Variants in ADK observed in about 807,000 individuals in gnomAD.
ADK encodes adenosine kinase, also known as N6,N6-dimethyladenosine kinase.
A neutral mutation model predicts 44.7 loss-of-function variants in ADK; 24 were observed. The observed-to-expected ratio is 0.54, with a 90% confidence interval of 0.39 to 0.76. The LOEUF (loss-of-function observed/expected upper bound fraction) is 0.76, where lower values mean the gene tolerates loss of function less well. ADK is among the 30% of genes least tolerant of loss of function. The pLI is 0.00. For missense variants in ADK, 321 were observed against 425.1 expected, an observed-to-expected ratio of 0.76 and a Z score of 2.15; for synonymous variants, 128 against 142.6, an observed-to-expected ratio of 0.90 and a Z score of 0.73.
intron 4 of ADK, among the ~76,000 whole-genome samples, chr10:74,387,531 G>A (rs1843185981): frequency 6.6e-6 from 1 of 152,154 alleles, no homozygotes; most frequent in Admixed American, 6.5e-5. Context: ...GCTATATGCT[G>A]TATGACTCTT....
intron 7 of ADK, among the ~76,000 whole-genome samples, chr10:74,547,280 C>T (rs1310390641): frequency 6.6e-6 from 1 of 151,812 alleles, no homozygotes; most frequent in South Asian, 2.1e-4. Flanking sequence ...CATGCATTGC[C>T]TTAACTTGTC....
intron 7 of ADK, among the ~76,000 whole-genome samples, chr10:74,584,185 G>A (rs1851457795): frequency 6.6e-6 from 1 of 152,142 alleles, no homozygotes; most frequent in Non-Finnish European, 1.5e-5. Context: ...CCACAGATGG[G>A]ACAGATCATT....
intron 4 of ADK, among the ~76,000 whole-genome samples, chr10:74,335,517 TA>T (rs1348629215): frequency 6.6e-6 from 1 of 152,218 alleles, no homozygotes; most frequent in African/African-American, 2.4e-5. Context: ...TCTAGAGGGA[TA>T]TTTGAATTGT....
intron 3 of ADK, among the ~76,000 whole-genome samples, chr10:74,241,471 T>C (rs7092741): frequency 0.74 from 111,809 of 151,934 alleles, 41,811 homozygotes; most frequent in Middle Eastern, 0.85. Flanking sequence ...CTGCAACCTC[T>C]ATCTCCCGGG....
intron 1 of ADK, among the ~76,000 whole-genome samples, chr10:74,196,497 G>A (rs1036659940): frequency 1.3e-5 from 2 of 152,044 alleles, no homozygotes; most frequent in Admixed American, 6.6e-5. Flanking sequence ...CCGAGATTGC[G>A]CTACTGCATT....
Position 74,357,811 on chromosome 10 carries a change from A to G in ADK, c.274-36330A>G, listed in dbSNP as rs569917760. 3.3e-5 allele frequency among the ~76,000 whole-genome samples: 5 copies of G among 152,156 alleles called. No individual in the cohort carries two copies. The South Asian group carries it at 8.3e-4, about 25-fold the overall frequency. The stretch of plus-strand genomic sequence containing the variant: ...TCTGTGATCAATGAGCAGTCTGAAT[A>G]TTTTTCCCTCCATCCTCATAAGTTA... On this transcript the variant is annotated intron_variant, in intron 4 of 10. Coordinates refer to ENST00000539909, the MANE Select transcript of ADK (RefSeq NM_006721.4).
In ADK at chr10:74,321,517, C is replaced by G. The variant is rs796788624; in HGVS notation, c.273+6772C>G. 2.0e-5 allele frequency among the ~76,000 whole-genome samples: 3 copies of G among 152,290 alleles called. No homozygotes were observed. The East Asian group carries it at 5.8e-4, about 29-fold the overall frequency. The stretch of plus-strand genomic sequence containing the variant: ...CGGGCTGGTCTTGAACTCCTGGGCT[C>G]AAATGATCCTCAAGACATTAGCTTG... On this transcript the variant is annotated intron_variant, in intron 4 of 10. Coordinates refer to ENST00000539909, the MANE Select transcript of ADK (RefSeq NM_006721.4).
At chr10:74,532,156 A>G (rs1302214668) in intron 7 of ADK, among the ~76,000 whole-genome samples, 1 of 152,198 alleles carries the variant, frequency 6.6e-6, no homozygotes, top group African/African-American at 2.4e-5. Flanking sequence ...GAAAAATCAC[A>G]TGATTATCCT....
intron 9 of ADK, among the ~76,000 whole-genome samples, chr10:74,608,225 A>G (rs1444340207): frequency 6.6e-6 from 1 of 151,694 alleles, no homozygotes; most frequent in Non-Finnish European, 1.5e-5. Context: ...TCTGAAGCCT[A>G]CTTCTGTCAA....
rs1225158492 is a variant in ADK at position 74,359,887 on chromosome 10, TA to T, written c.274-34253del. On this transcript the variant is annotated intron_variant, in intron 4 of 10. Coordinates refer to ENST00000539909, the MANE Select transcript of ADK (RefSeq NM_006721.4). Reference sequence around the variant, plus strand: ...GGTTAAATTTATTTCCTGGTTATTTTATTTTTTTGTAGCTATTGTAAATGGT... The same window carrying T: ...GGTTAAATTTATTTCCTGGTTATTTTTTTTTTTGTAGCTATTGTAAATGGT... 5.3e-5 allele frequency among the ~76,000 whole-genome samples: 8 copies of T among 152,286 alleles called. No homozygotes were observed. In the South Asian group the frequency reaches 1.2e-3, roughly 24 times the overall value.
intron 10 of ADK, among the ~76,000 whole-genome samples, chr10:74,695,696 G>C (rs927285753): frequency 2.6e-5 from 4 of 151,644 alleles, no homozygotes; most frequent in African/African-American, 9.7e-5. Context: ...AATGAGTACA[G>C]TGGCATGTTC....
chr10:74,544,925 G>A (rs2133746566), intron 7 of ADK, among the ~76,000 whole-genome samples: 1 of 148,086 alleles, frequency 6.8e-6, no homozygotes. Flanking sequence ...ACGGAATCTT[G>A]CCATGTCGCC....
At chr10:74,603,477 C>G (rs753800691) in intron 9 of ADK, among the ~76,000 whole-genome samples, 4 of 152,080 alleles carry the variant, frequency 2.6e-5, no homozygotes, top group Non-Finnish European at 5.9e-5. Context: ...TCTCATTGTT[C>G]AATTCCCACT....
chr10:74,217,751 C>T (rs1168155455), intron 2 of ADK, among the ~76,000 whole-genome samples: 3 of 152,174 alleles, frequency 2.0e-5, no homozygotes, highest in Non-Finnish European at 4.4e-5. Context: ...TGCTGATACC[C>T]AGGCAAACAG....
At chr10:74,235,128 C>CTTTTTTTTTTT (rs35193175) in intron 3 of ADK, among the ~76,000 whole-genome samples, 1 of 130,140 alleles carries the variant, frequency 7.7e-6, no homozygotes, top group Non-Finnish European at 1.6e-5. Context: ...GAAATTATCC[C>CTTTTTTTTTTT]TTTTTTTTTT....
chr10:74,343,897 C>A (rs1841671286), intron 4 of ADK, among the ~76,000 whole-genome samples: 1 of 152,200 alleles, frequency 6.6e-6, no homozygotes, highest in South Asian at 2.1e-4. Flanking sequence ...CGTGAGCAAC[C>A]ATGCCTGGCT....
intron 4 of ADK, among the ~76,000 whole-genome samples, chr10:74,363,025 T>G (rs1347865125): frequency 6.6e-6 from 1 of 152,202 alleles, no homozygotes; most frequent in Non-Finnish European, 1.5e-5. Flanking sequence ...TGTGCGTCTT[T>G]GGAATCTACT....
chr10:74,421,707 A>G (rs947832460), intron 6 of ADK, among the ~76,000 whole-genome samples: 3 of 152,176 alleles, frequency 2.0e-5, no homozygotes, highest in Admixed American at 2.0e-4. Flanking sequence ...ATACAACATA[A>G]GCATGGAATA....
intron 3 of ADK, among the ~76,000 whole-genome samples, chr10:74,280,462 G>A (rs867425050): frequency 3.7e-4 from 46 of 124,118 alleles, no homozygotes; most frequent in Middle Eastern, 4.6e-3. Context: ...TTTAGAGTTG[G>A]GGCTTGCCTT....
Sources: gnomAD v4.1 joint callset for allele counts (sites outside exome capture counted in the v4.1 genomes callset) on GRCh38, gnomAD v4.1.1 for gene constraint, MANE v1.5 for transcripts, NCBI Gene and HGNC (gene_info 2026-07-23, HGNC 2026-07-21) for gene names.